CNTN5: variants seen among roughly 807,000 people sequenced by gnomAD.
The protein encoded by CNTN5 is contactin-5.
A neutral mutation model predicts 129.1 loss-of-function variants in CNTN5; 77 were observed. The ratio of observed to expected loss-of-function variants is 0.60; its 90% CI spans 0.50 to 0.72. The LOEUF is 0.72. Among genes scored for constraint, CNTN5 ranks in the 30% least tolerant of loss-of-function variants. The probability of loss-of-function intolerance (pLI) is 0.00; values close to 1 mark genes in which losing one functional copy is unlikely to be tolerated. For synonymous variants in CNTN5, 509 were observed against 465.6 expected, an observed-to-expected ratio of 1.09 and a Z score of -1.20; for missense variants, 1,478 against 1,328.8, an observed-to-expected ratio of 1.11 and a Z score of -1.75.
chr11:99,893,175 A>G (rs1949110187), intron 6 of CNTN5, among the ~76,000 whole-genome samples: 1 of 152,178 alleles, frequency 6.6e-6, no homozygotes. Context: ...CTTTACATCA[A>G]AAAGGTCCAC....
intron 4 of CNTN5, among the ~76,000 whole-genome samples, chr11:99,837,683 G>GGTTTTTTTTTTTTTTTTT (rs1209182517): frequency 1.2e-5 from 1 of 81,232 alleles, no homozygotes; most frequent in African/African-American, 4.4e-5. Context: ...CCACACATGA[G>GGTTTTTTTTTTTTTTTTT]TAAAAAAAAA....
At chr11:100,045,998 G>A (rs532811060) in intron 9 of CNTN5, among the ~76,000 whole-genome samples, 1 of 151,934 alleles carries the variant, frequency 6.6e-6, no homozygotes, top group South Asian at 2.1e-4. Context: ...GGGTACATGT[G>A]CACAATGTGC....
intron 1 of CNTN5, among the ~76,000 whole-genome samples, chr11:99,064,662 G>A (rs1865028312): frequency 1.3e-5 from 2 of 152,038 alleles, no homozygotes; most frequent in South Asian, 2.1e-4. Context: ...GAACCCAAAT[G>A]TTTCAAAATG....
At chr11:100,276,781 C>T (rs1950522738) in intron 18 of CNTN5, among the ~76,000 whole-genome samples, 1 of 151,922 alleles carries the variant, frequency 6.6e-6, no homozygotes, top group South Asian at 2.1e-4. Flanking sequence ...GGTATTCATC[C>T]CCTCAAGCAT....
chr11:100,180,492 G>A (rs1018042512), intron 13 of CNTN5, among the ~76,000 whole-genome samples: 5 of 151,866 alleles, frequency 3.3e-5, no homozygotes, highest in African/African-American at 1.2e-4. Context: ...ATGAATCAGA[G>A]ACTTAAACGT....
chr11:99,906,860 T>G (rs1467864487), intron 6 of CNTN5, among the ~76,000 whole-genome samples: 3 of 152,088 alleles, frequency 2.0e-5, no homozygotes, highest in Non-Finnish European at 2.9e-5. Flanking sequence ...GACTTCTTTC[T>G]TCTTTAGTCT....
chr11:99,508,760 T>C (rs117823626), intron 2 of CNTN5, among the ~76,000 whole-genome samples: 9,716 of 151,510 alleles, frequency 0.064, 347 homozygotes, highest in African/African-American at 0.095. Flanking sequence ...CGGCTCACTG[T>C]AACTTCCTCC....
chr11:99,736,484 G>C (rs114607167), intron 3 of CNTN5, among the ~76,000 whole-genome samples: 1 of 152,106 alleles, frequency 6.6e-6, no homozygotes, highest in Non-Finnish European at 1.5e-5. Context: ...TCCAGTCAAG[G>C]CCTCAAAATG....
intron 2 of CNTN5, among the ~76,000 whole-genome samples, chr11:99,358,163 A>G (rs1209020328): frequency 3.7e-5 from 5 of 133,368 alleles, no homozygotes; most frequent in Non-Finnish European, 6.4e-5. Flanking sequence ...ATCTCGGCTC[A>G]CTGCAAGCTC....
intron 2 of CNTN5, among the ~76,000 whole-genome samples, chr11:99,517,693 G>A (rs185296244): frequency 5.9e-5 from 9 of 152,074 alleles, no homozygotes; most frequent in African/African-American, 1.2e-4. Context: ...TAGTGATAAC[G>A]TCACTTCCTT....
chr11:100,043,530 C>G (rs4754665), intron 9 of CNTN5, among the ~76,000 whole-genome samples: 1 of 151,918 alleles, frequency 6.6e-6, no homozygotes, highest in South Asian at 2.1e-4. Flanking sequence ...AAGGGAAAAC[C>G]TGCACTTTCC....
intron 6 of CNTN5, among the ~76,000 whole-genome samples, chr11:99,847,588 A>G (rs1947740988): frequency 6.6e-6 from 1 of 152,204 alleles, no homozygotes; most frequent in African/African-American, 2.4e-5. Flanking sequence ...TACCCAGGGA[A>G]GACCAATTCT....
chr11:99,109,889 TTC>T (rs1857707472), intron 1 of CNTN5, among the ~76,000 whole-genome samples: 1 of 152,160 alleles, frequency 6.6e-6, no homozygotes, highest in Admixed American at 6.6e-5. Context: ...GAACATTTCA[TTC>T]TGTTTTTCCT....
Position 99,057,082 on chromosome 11 carries a change from A to G in CNTN5, c.-210+35812A>G, listed in dbSNP as rs374618015. On this transcript the variant is annotated intron_variant, in intron 1 of 24. Coordinates refer to ENST00000524871, the MANE Select transcript of CNTN5 (RefSeq NM_014361.4). ...AGCATGAGCAGCCTCAAGAAGCACA[A>G]TTTAATCTGGTTACAGATAACTTAA... Among the ~76,000 whole-genome samples the G allele has an allele frequency of 5.9e-5, 9 of 152,084 alleles. No homozygotes were observed. The East Asian group carries it at 1.5e-3, about 26-fold the overall frequency.
At chr11:99,086,535 G>A (rs577994054) in intron 1 of CNTN5, among the ~76,000 whole-genome samples, 8 of 152,266 alleles carry the variant, frequency 5.3e-5, no homozygotes, top group South Asian at 2.1e-4. Flanking sequence ...CAATCAGATC[G>A]TGCGTGAGCT....
chr11:100,208,703 T>C (rs577249648), intron 15 of CNTN5, among the ~76,000 whole-genome samples: 1 of 152,326 alleles, frequency 6.6e-6, no homozygotes, highest in South Asian at 2.1e-4. Flanking sequence ...CTTGCAACTT[T>C]CATACCAGAA....
intron 13 of CNTN5, among the ~76,000 whole-genome samples, chr11:100,138,576 G>C (rs918578783): frequency 2.0e-5 from 3 of 152,042 alleles, no homozygotes; most frequent in African/African-American, 7.2e-5. Context: ...TTAAGAAACA[G>C]CAAACAGATT....
At chr11:99,334,305 A>G (rs1355258338) in intron 2 of CNTN5, among the ~76,000 whole-genome samples, 1 of 152,166 alleles carries the variant, frequency 6.6e-6, no homozygotes, top group African/African-American at 2.4e-5. Flanking sequence ...TGACAGCCCC[A>G]TAGTAGCAGC....
intron 2 of CNTN5, among the ~76,000 whole-genome samples, chr11:99,536,679 A>C (rs1947910897): frequency 6.6e-6 from 1 of 152,074 alleles, no homozygotes. Flanking sequence ...CATTGGAATA[A>C]GTGAGTTTTA....
Sources: gnomAD v4.1 joint callset for allele counts (sites outside exome capture counted in the v4.1 genomes callset) on GRCh38, gnomAD v4.1.1 for gene constraint, MANE v1.5 for transcripts, NCBI Gene and HGNC (gene_info 2026-07-23, HGNC 2026-07-21) for gene names.